VILL: variants seen among roughly 807,000 people sequenced by gnomAD.
VILL encodes the protein villin-like protein.
Under a neutral mutation model 106.3 loss-of-function variants are expected in VILL, and 102 were observed. The observed-to-expected ratio is 0.96, with a 90% CI of 0.82 to 1.13. The LOEUF (loss-of-function observed/expected upper bound fraction) is 1.13. Among genes scored for constraint, VILL ranks in the 50% most tolerant of loss-of-function variants. The pLI is 0.00. For synonymous variants in VILL, 431 were observed against 440.3 expected, an observed-to-expected ratio of 0.98 and a Z score of 0.27; for missense variants, 1,076 against 1,116.6, an observed-to-expected ratio of 0.96 and a Z score of 0.52.
Position 37,998,377 on chromosome 3 carries a change from G to GCT in VILL, c.942+16_942+17dup. 1 of 1,613,548 alleles carries GCT rather than the reference G, an allele frequency of 6.2e-7. No homozygotes were observed. The highest frequency in any genetic ancestry group is 2.2e-5 in the East Asian group (1 of 44,868). On this transcript the variant is annotated intron_variant, in intron 9 of 19. Coordinates refer to ENST00000383759, the MANE Select transcript of VILL (RefSeq NM_015873.4). This position sits in a 1 kb window ranked among gnomAD's most constrained non-coding sequence, Gnocchi z 4.1. ...CAGCCGGGCTGTGGTGAGCCCTGGG[G>GCT]CTCTGTCTGAGAGGAACAGAGCACT...
chr3:38,003,388 A>T lies in VILL; in HGVS notation c.1805+75A>T, dbSNP rs559458692. 2.9e-5 allele frequency: 43 copies of T among 1,475,256 alleles called. No individual in the cohort carries two copies. In the East Asian group the frequency reaches 9.5e-4, roughly 33 times the overall value. The allele number at this position is 1,475,256 out of a possible 1,614,324, so 91.4% of individuals were successfully genotyped here. The stretch of plus-strand genomic sequence containing the variant: ...CCAGAGAGGAGGGTGGGTGACTGGG[A>T]TTCACACAGAGAGCTGGCAAGACGA... On this transcript the variant is annotated intron_variant, in intron 15 of 19. Coordinates refer to ENST00000383759, the MANE Select transcript of VILL (RefSeq NM_015873.4).
At chr3:38,005,025 C>G (rs918220970) in intron 16 of VILL, among the ~76,000 whole-genome samples, 1 of 152,122 alleles carries the variant, frequency 6.6e-6, no homozygotes, top group Admixed American at 6.5e-5. Context: ...TTGCATGCAG[C>G]TCTGTGTCTG....
chr3:38,006,803 A>AGAT lies in VILL; in HGVS notation c.2457+105_2457+107dup, dbSNP rs908573681. On this transcript the variant is annotated intron_variant, in intron 19 of 19. Transcript: ENST00000383759. ...GCGGGCAGTGGGCAACTGCCCCGGGAGATGTGTCTTCTAGCTGGGGTGGTG... is the reference window on the plus strand; with the variant it reads ...GCGGGCAGTGGGCAACTGCCCCGGGAGATGATGTGTCTTCTAGCTGGGGTGGTG... 3.3e-6 allele frequency: 5 copies of AGAT among 1,534,140 alleles called. No homozygotes were observed. In the East Asian group the frequency reaches 6.8e-5, roughly 21 times the overall value.
At chr3:38,002,691 G>A (rs2125536790) in intron 14 of VILL, 116 bp downstream of exon 14, 3 of 1,230,658 alleles carry the variant, frequency 2.4e-6, no homozygotes, top group East Asian at 2.4e-5. Context: ...GGCCGATGGG[G>A]GGAATGGGGA....
In VILL at chr3:37,997,286, C is replaced by T; in HGVS notation, c.561+99C>T. ...GCCACCCAAAGAGTTGGGCTTGGCT[C>T]TGCTACAACCCAAGAAACGCCTATG... is the stretch of plus-strand genomic sequence containing the variant. On this transcript the variant is annotated intron_variant, in intron 6 of 19. Coordinates refer to ENST00000383759, the MANE Select transcript of VILL (RefSeq NM_015873.4). The surrounding 1 kb of genome is among the most constrained non-coding windows in gnomAD (Gnocchi z 4.7). The T allele has an allele frequency of 7.5e-7, 1 of 1,328,530 alleles. No homozygotes were observed. The allele number at this position is 1,328,530 out of a possible 1,614,324, so 82.3% of individuals were successfully genotyped here. A position where few individuals can be genotyped will look rare whatever the true frequency, so the allele number is the denominator to read the frequency against.
intron 18 of VILL, 66 bp downstream of exon 18, chr3:38,006,318 C>G: frequency 6.2e-7 from 1 of 1,611,632 alleles, no homozygotes. Flanking sequence ...TCCTGATGGG[C>G]AGGGGAAGTG....
rs2125536008 is a variant in VILL, at chr3:38,001,732, G to A, written c.1351G>A (p.Ala451Thr). 6.2e-7 allele frequency: 1 copy of A among 1,614,242 alleles called. No homozygotes were observed. Among genetic ancestry groups the A allele is most frequent in the East Asian group, 2.2e-5 (1 of 44,890 alleles). The change falls in exon 13 of 20, where the codon GCC becomes ACC. Residue 451 changes from alanine (A) to threonine (T), a missense_variant. Transcript: ENST00000383759. ...CCAGGCCACTGCGGATGAGATTGAG[G>A]CCCTGAACAGCAACGCTGAGGAACT... is the stretch of plus-strand genomic sequence containing the variant. ...GHQATADEIEALNSNAEELDV... is the reference protein window; with the variant it reads ...GHQATADEIETLNSNAEELDV...
chr3:37,993,875 T>C (rs1699648949), intron 2 of VILL, 23 bp from the exon 3 acceptor site: 1 of 1,613,982 alleles, frequency 6.2e-7, no homozygotes, highest in African/African-American at 1.3e-5. Context: ...CCTGAGTTGT[T>C]ACAGGGAACT....
At position 37,999,321 on chromosome 3, in the gene VILL, C is replaced by T. The variant is rs1410373735; in HGVS notation, c.1082-18C>T. On this transcript the variant is annotated intron_variant, in intron 10 of 19. Coordinates refer to ENST00000383759, the MANE Select transcript of VILL (RefSeq NM_015873.4). ...GGGGGGCAGAGGGCGCCACTGACGC[C>T]TACTGTCCCCCCTTCAGATAAATCG... The T allele has an allele frequency of 6.6e-7, 1 of 1,505,390 alleles. No individual in the cohort carries two copies. Among genetic ancestry groups the T allele is most frequent in the Non-Finnish European group, 8.9e-7 (1 of 1,127,776 alleles). The allele number at this position is 1,505,390 out of a possible 1,614,324, so 93.3% of individuals were successfully genotyped here.
At chr3:37,994,170 C>A in intron 3 of VILL, 91 bp from the exon 4 acceptor site, 1 of 1,483,188 alleles carries the variant, frequency 6.7e-7, no homozygotes, top group Non-Finnish European at 9.2e-7. Flanking sequence ...CCCTGCCTAG[C>A]GTCTCCCCAT....
chr3:38,001,333 C>A, intron 11 of VILL, 123 bp from the exon 12 acceptor site: 2 of 1,429,836 alleles, frequency 1.4e-6, no homozygotes, highest in Non-Finnish European at 1.9e-6. Flanking sequence ...TGAGGGTGGG[C>A]CCCTGGCCTG....
Position 37,997,326 on chromosome 3 carries a change from T to C in VILL, c.561+139T>C, listed in dbSNP as rs752838234. ...AAACGCCTATGAGTTACAAGCTGAG[T>C]TCAGACCCTGCATTGTTGGTGTCCC... On this transcript the variant is annotated intron_variant, in intron 6 of 19. Coordinates refer to ENST00000383759, the MANE Select transcript of VILL (RefSeq NM_015873.4). The surrounding 1 kb of genome is among the most constrained non-coding windows in gnomAD (Gnocchi z 4.7). 1 of 1,164,664 alleles carries C rather than the reference T, an allele frequency of 8.6e-7. No individual in the cohort carries two copies. The highest frequency in any genetic ancestry group is 1.2e-6 in the Non-Finnish European group (1 of 811,256). 72.1% of individuals were successfully genotyped at this position (1,164,664 alleles called of 1,614,324 possible). A position where few individuals can be genotyped will look rare whatever the true frequency, so the allele number is the denominator to read the frequency against.
chr3:37,995,405 A>G (rs59041542), intron 4 of VILL, among the ~76,000 whole-genome samples: 4,482 of 152,340 alleles, frequency 0.029, 101 homozygotes, highest in African/African-American at 0.061. Context: ...ACCTACACAC[A>G]TATATGCTGT....
In VILL at chr3:37,997,759, C is replaced by T. The variant is rs1223783280; in HGVS notation, c.764+74C>T. 4.7e-6 allele frequency: 7 copies of T among 1,487,180 alleles called. No individual in the cohort carries two copies. Among genetic ancestry groups the T allele is most frequent in the Admixed American group, 3.8e-5 (2 of 52,680 alleles). 92.1% of individuals were successfully genotyped at this position (1,487,180 alleles called of 1,614,324 possible). ...TGTGTCCATCACTACTGCAATAACA[C>T]GGCATCTCTAGAAGGCCCTCCAGCA... On this transcript the variant is annotated intron_variant, in intron 7 of 19. Transcript: ENST00000383759. This position sits in a 1 kb window ranked among gnomAD's most constrained non-coding sequence, Gnocchi z 4.7.
chr3:38,003,183 C>T lies in VILL; in HGVS notation c.1675C>T (p.Gln559Ter), dbSNP rs774486565. 7 of 1,613,902 alleles carry T rather than the reference C, an allele frequency of 4.3e-6. No individual in the cohort carries two copies. The highest frequency in any genetic ancestry group is 1.7e-6 in the Non-Finnish European group (2 of 1,179,926). Residue 559 changes from glutamine to a stop codon, truncating the protein, a stop_gained, in exon 15 of 20, where the codon CAG (glutamine) becomes TAG (stop). Transcript: ENST00000383759. LOFTEE classifies it high-confidence loss of function. Reference protein sequence around the residue: ...LWFGKGCNGDQREMARVVVTV... With the variant: ...LWFGKGCNGD ...TGCCTGCTAGGGCTGTAATGGTGATCAGCGTGAGATGGCACGGGTGGTGGT... is the reference window on the plus strand; with the variant it reads ...TGCCTGCTAGGGCTGTAATGGTGATTAGCGTGAGATGGCACGGGTGGTGGT...
At chr3:37,989,243 AG>A (rs1167332690), upstream of VILL, among the ~76,000 whole-genome samples, 3 of 151,358 alleles carry the variant, frequency 2.0e-5, no homozygotes, top group Admixed American at 6.6e-5. Flanking sequence ...TAGATCTGGG[AG>A]GGGCCTGAGG....
At chr3:38,006,849 C>T in intron 19 of VILL, 93 bp from the exon 20 acceptor site, 1 of 1,514,606 alleles carries the variant, frequency 6.6e-7, no homozygotes, top group Non-Finnish European at 9.0e-7. Context: ...TGCGGGAGTC[C>T]CAAGCCCTGG....
chr3:37,994,605 C>A, intron 4 of VILL, 139 bp downstream of exon 4: 1 of 880,770 alleles, frequency 1.1e-6, no homozygotes. Flanking sequence ...TGAGATACAA[C>A]TCATACGCCA....
intron 13 of VILL, chr3:38,002,173 TGGG>T (rs1244531910): frequency 3.8e-5 from 24 of 633,940 alleles, no homozygotes; most frequent in Middle Eastern, 8.5e-4. Context: ...CACTCAGAGA[TGGG>T]GGGAAAGGTC....
Sources: gnomAD v4.1 joint callset for allele counts (sites outside exome capture counted in the v4.1 genomes callset) on GRCh38, gnomAD v4.1.1 for gene constraint, Gnocchi (gnomAD v3.1) non-coding constraint, MANE v1.5 for transcripts, NCBI Gene and HGNC (gene_info 2026-07-23, HGNC 2026-07-21) for gene names.